Variants in TMEM17 observed in about 807,000 individuals in gnomAD.
The protein encoded by TMEM17 is transmembrane protein 17.
Under a neutral mutation model 19.1 loss-of-function variants are expected in TMEM17, and 15 were observed. The observed-to-expected ratio is 0.78, with a 90% CI of 0.52 to 1.21. The LOEUF is 1.21. TMEM17 is among the 50% of genes most tolerant of loss of function. TMEM17 has a pLI of 0.00. For missense variants in TMEM17, 245 were observed against 242.3 expected, an observed-to-expected ratio of 1.01 and a Z score of -0.07; for synonymous variants, 103 against 86.9, an observed-to-expected ratio of 1.19 and a Z score of -1.03.
At chr2:62,481,638 T>C in the TMEM17 span, among the ~76,000 whole-genome samples, 1 of 151,872 alleles carries the variant, frequency 6.6e-6, no homozygotes, top group Non-Finnish European at 1.5e-5. Context: ...GTTTCTGTCA[T>C]GAAGGGATAG....
At chr2:62,475,270 T>C in the TMEM17 span, among the ~76,000 whole-genome samples, 1 of 152,254 alleles carries the variant, frequency 6.6e-6, no homozygotes, top group East Asian at 1.9e-4. Context: ...AAGCAGCCTC[T>C]GAGCCGCACC....
At chr2:62,496,558 G>A (rs2103719405), downstream of TMEM17, among the ~76,000 whole-genome samples, 1 of 152,246 alleles carries the variant, frequency 6.6e-6, no homozygotes, top group African/African-American at 2.4e-5. Context: ...ACAATTATAA[G>A]TGCTTATGAT....
chr2:62,477,574 T>C, the TMEM17 span, among the ~76,000 whole-genome samples: 3 of 152,160 alleles, frequency 2.0e-5, no homozygotes, highest in East Asian at 3.8e-4. Flanking sequence ...CACAGCATTG[T>C]AGAGATCCCA....
the TMEM17 span, among the ~76,000 whole-genome samples, chr2:62,468,217 C>T: frequency 1.3e-5 from 2 of 152,186 alleles, no homozygotes. Flanking sequence ...AGCAGCCTTA[C>T]TGGCTGGCTC....
chr2:62,478,511 C>T, the TMEM17 span, among the ~76,000 whole-genome samples: 3 of 152,194 alleles, frequency 2.0e-5, no homozygotes, highest in African/African-American at 7.2e-5. Flanking sequence ...GTGATGGACA[C>T]CCTCACTCCT....
At chr2:62,488,166 C>T in the TMEM17 span, among the ~76,000 whole-genome samples, 2 of 152,282 alleles carry the variant, frequency 1.3e-5, no homozygotes, top group Admixed American at 1.3e-4. Context: ...TATGTTCACA[C>T]AAACTTGATC....
At chr2:62,491,539 G>A in the TMEM17 span, 2 of 152,242 alleles carry the variant, frequency 1.3e-5, no homozygotes, top group African/African-American at 4.8e-5. Context: ...ACTGAGCTGT[G>A]TAGGAAAGCT....
chr2:62,481,644 G>T, the TMEM17 span, among the ~76,000 whole-genome samples: 4 of 151,862 alleles, frequency 2.6e-5, no homozygotes, highest in South Asian at 8.3e-4. Context: ...GTCATGAAGG[G>T]ATAGGTCTGG....
At chr2:62,502,599 T>C (rs1255566402) in intron 2 of TMEM17, 49 bp from the exon 3 acceptor site, 6 of 1,425,734 alleles carry the variant, frequency 4.2e-6, no homozygotes, top group Non-Finnish European at 4.7e-6. Context: ...TATAGTAACA[T>C]TGATTTAAGA....
the TMEM17 span, among the ~76,000 whole-genome samples, chr2:62,472,255 C>T: frequency 1.3e-5 from 2 of 152,158 alleles, no homozygotes; most frequent in African/African-American, 4.8e-5. Context: ...GAGAGGGACA[C>T]AAGAAATGTC....
the TMEM17 span, among the ~76,000 whole-genome samples, chr2:62,458,751 G>A: frequency 6.6e-6 from 1 of 152,218 alleles, no homozygotes; most frequent in African/African-American, 2.4e-5. Flanking sequence ...GCGTGCCCGT[G>A]TCTGTAGCAA....
rs1417328829 is a variant in TMEM17 at position 62,500,605 on chromosome 2, C to A, written c.*604G>T. The A allele has an allele frequency of 6.9e-6, 1 of 145,874 alleles. No individual in the cohort carries two copies. The highest frequency in any genetic ancestry group is 1.5e-5 in the Non-Finnish European group (1 of 66,590). The allele number at this position is 145,874 out of a possible 1,614,324, so 9.0% of individuals were successfully genotyped here. ...GGACTACAGGTGCCTGCAACCACGCCTAGCTAATTTTTTTTTTTTTTGTAT... is the reference window on the plus strand; with the variant it reads ...GGACTACAGGTGCCTGCAACCACGCATAGCTAATTTTTTTTTTTTTTGTAT... On this transcript the variant is annotated 3_prime_UTR_variant, in exon 4 of 4. Coordinates refer to ENST00000335390, the MANE Select transcript of TMEM17 (RefSeq NM_198276.3).
At chr2:62,469,312 C>T in the TMEM17 span, among the ~76,000 whole-genome samples, 1 of 152,176 alleles carries the variant, frequency 6.6e-6, no homozygotes, top group South Asian at 2.1e-4. Flanking sequence ...TTATGCAAGG[C>T]TGGGAGGTCA....
At chr2:62,486,506 G>A in the TMEM17 span, among the ~76,000 whole-genome samples, 55 of 152,322 alleles carry the variant, frequency 3.6e-4, no homozygotes, top group African/African-American at 1.2e-3. Flanking sequence ...GAATGAAGTT[G>A]CTCAGTTACT....
chr2:62,468,388 T>C, the TMEM17 span, among the ~76,000 whole-genome samples: 1 of 152,208 alleles, frequency 6.6e-6, no homozygotes, highest in South Asian at 2.1e-4. Context: ...AATTAGAAGA[T>C]TGGGACCCCA....
chr2:62,457,843 C>T, the TMEM17 span, among the ~76,000 whole-genome samples: 6 of 151,724 alleles, frequency 4.0e-5, no homozygotes, highest in Non-Finnish European at 7.3e-5. This position sits in a 1 kb window ranked among gnomAD's most constrained non-coding sequence, Gnocchi z 4.2. Context: ...TGCTTTGCCG[C>T]TGAACCCAGG....
the TMEM17 span, among the ~76,000 whole-genome samples, chr2:62,462,217 G>A: frequency 2.0e-5 from 3 of 152,082 alleles, no homozygotes; most frequent in African/African-American, 7.2e-5. Context: ...CACACTCTCT[G>A]ACCTCCCTTT....
At chr2:62,502,656 G>T (rs747247703) in intron 2 of TMEM17, 35 bp downstream of exon 2, 1 of 1,526,348 alleles carries the variant, frequency 6.6e-7, no homozygotes, top group Non-Finnish European at 8.9e-7. Flanking sequence ...CTCTAACAAC[G>T]TCAGGGCAGC....
the TMEM17 span, among the ~76,000 whole-genome samples, chr2:62,471,265 A>C: frequency 6.6e-6 from 1 of 152,204 alleles, no homozygotes; most frequent in Non-Finnish European, 1.5e-5. Context: ...AGACCAACAC[A>C]GAGAGCAGTT....
Sources: allele counts gnomAD v4.1 joint callset (sites outside exome capture counted in the v4.1 genomes callset), GRCh38; gene constraint gnomAD v4.1.1; non-coding constraint Gnocchi (gnomAD v3.1); transcripts MANE v1.5; gene names NCBI Gene and HGNC (gene_info 2026-07-23, HGNC 2026-07-21).